Variants in NOVA2 observed in about 807,000 individuals in gnomAD.
NOVA2 encodes the protein RNA-binding protein Nova-2.
In NOVA2, 9 loss-of-function variants were observed where a neutral mutation model predicts 22.5. That is an observed-to-expected ratio of 0.40 (90% CI 0.24 to 0.70). The LOEUF is 0.70. Ranked by LOEUF, NOVA2 falls within the 30% of genes least tolerant of loss-of-function variation. NOVA2 has a pLI of 0.38. For synonymous variants in NOVA2, 318 were observed against 335.2 expected (o/e 0.95, Z 0.56); for missense variants, 383 against 682.8 (o/e 0.56, Z 4.89).
intron 3 of NOVA2, among the ~76,000 whole-genome samples, chr19:45,948,481 T>C (rs1967873942): frequency 6.6e-6 from 1 of 151,116 alleles, no homozygotes; most frequent in African/African-American, 2.4e-5. Flanking sequence ...GTGCCTGTAG[T>C]CCCAGCTACT....
At position 45,938,017 on chromosome 19, in the gene NOVA2, T is replaced by G. The variant is rs1214737648; in HGVS notation, c.*1846A>C. The stretch of plus-strand genomic sequence containing the variant: ...TTGGAAGACCTAGGAGGCGGACAAA[T>G]GGGGGAGAGGGTGGGCATGGGGCGC... On this transcript the variant is annotated 3_prime_UTR_variant, in exon 4 of 4. Transcript: ENST00000263257. 6.6e-6 allele frequency: 1 copy of G among 151,622 alleles called. No homozygotes were observed. The highest frequency in any genetic ancestry group is 1.5e-5 in the Non-Finnish European group (1 of 67,902). The allele number at this position is 151,622 out of a possible 1,614,324, so 9.4% of individuals were successfully genotyped here. A position where few individuals can be genotyped will look rare whatever the true frequency, so the allele number is the denominator to read the frequency against.
chr19:45,963,161 A>T (rs1198908535), intron 1 of NOVA2, among the ~76,000 whole-genome samples: 1 of 151,990 alleles, frequency 6.6e-6, no homozygotes, highest in Non-Finnish European at 1.5e-5. Context: ...CGGGCAGATC[A>T]CGAGGTCAAG....
At chr19:45,961,365 C>A (rs1212580717) in intron 1 of NOVA2, among the ~76,000 whole-genome samples, 4 of 152,308 alleles carry the variant, frequency 2.6e-5, no homozygotes, top group Non-Finnish European at 4.4e-5. Context: ...AGAAAATAGA[C>A]AAAGCTCCCC....
chr19:45,962,078 A>C (rs73940373), intron 1 of NOVA2, among the ~76,000 whole-genome samples: 175 of 152,176 alleles, frequency 1.1e-3, no homozygotes, highest in African/African-American at 4.1e-3. Flanking sequence ...ATGTGGCCTG[A>C]CTTAGGTTTT....
intron 1 of NOVA2, among the ~76,000 whole-genome samples, chr19:45,971,945 G>A (rs1023084317): frequency 1.1e-4 from 16 of 151,784 alleles, no homozygotes; most frequent in Non-Finnish European, 2.2e-4. Flanking sequence ...CACCCAGGGA[G>A]AGCCCCTCTC....
intron 3 of NOVA2, among the ~76,000 whole-genome samples, chr19:45,945,354 T>C (rs1289561327): frequency 2.0e-5 from 3 of 152,016 alleles, no homozygotes; most frequent in Non-Finnish European, 2.9e-5. Context: ...GCAGTGCAAA[T>C]GTTTGAAAAT....
chr19:45,964,058 G>T (rs1968133105), intron 1 of NOVA2, among the ~76,000 whole-genome samples: 1 of 151,978 alleles, frequency 6.6e-6, no homozygotes, highest in Non-Finnish European at 1.5e-5. Context: ...ATAAGCACTG[G>T]GAAAAGAAAG....
At chr19:45,966,293 T>C (rs1195764258) in intron 1 of NOVA2, among the ~76,000 whole-genome samples, 2 of 152,166 alleles carry the variant, frequency 1.3e-5, no homozygotes, top group East Asian at 3.8e-4. Flanking sequence ...CCTTCTTCCT[T>C]CCCTTCCTCC....
chr19:45,953,930 T>G lies in NOVA2; in HGVS notation c.246A>C (p.Val82=). The change falls in exon 3 of 4, where the codon GTA becomes GTC. Residue 82 remains valine, a synonymous_variant. Transcript: ENST00000263257. ...CCTCTGCCGTGCCCTGTACTAGGCATACCCGCTCTGTGGTTCCTGTTGAGC... is the reference window on the plus strand; with the variant it reads ...CCTCTGCCGTGCCCTGTACTAGGCAGACCCGCTCTGTGGTTCCTGTTGAGC... ...KDFYPGTTER[V]CLVQGTAEAL... 1 of 1,614,138 alleles carries G rather than the reference T, an allele frequency of 6.2e-7. No individual in the cohort carries two copies. Among genetic ancestry groups the G allele is most frequent in the Non-Finnish European group, 8.5e-7 (1 of 1,179,998 alleles).
chr19:45,956,292 G>A (rs531144719), intron 2 of NOVA2, among the ~76,000 whole-genome samples: 18 of 152,294 alleles, frequency 1.2e-4, no homozygotes, highest in African/African-American at 3.1e-4. Flanking sequence ...AGAGCTGGCC[G>A]AGGGTTTGCC....
In NOVA2 at chr19:45,964,212, T is replaced by C. The variant is rs1304054542; in HGVS notation, c.86-3059A>G. Among the ~76,000 whole-genome samples the C allele has an allele frequency of 4.2e-5, 6 of 143,712 alleles. No individual in the cohort carries two copies. The South Asian group carries it at 1.3e-3, about 32-fold the overall frequency. 94.3% of individuals were successfully genotyped at this position (143,712 alleles called of 152,430 possible). A position where few individuals can be genotyped will look rare whatever the true frequency, so the allele number is the denominator to read the frequency against. On this transcript the variant is annotated intron_variant, in intron 1 of 3. Transcript: ENST00000263257. ...TTTTTTTTTTTTGAGACAATCTCGC[T>C]CTTGTCACCCAGGCTGCAGTGCAAT... is the stretch of plus-strand genomic sequence containing the variant.
intron 2 of NOVA2, 85 bp downstream of exon 2, chr19:45,960,925 C>T: frequency 1.4e-6 from 2 of 1,393,246 alleles, no homozygotes; most frequent in African/African-American, 2.9e-5. Flanking sequence ...TAGGGCAGAC[C>T]TTCCCCCTCA....
At chr19:45,943,217 C>G (rs1031079761) in intron 3 of NOVA2, among the ~76,000 whole-genome samples, 3 of 151,398 alleles carry the variant, frequency 2.0e-5, no homozygotes, top group Admixed American at 1.3e-4. Flanking sequence ...CCATGCCCAG[C>G]TAATTTTTTT....
Position 45,960,254 on chromosome 19 carries a change from G to A in NOVA2, c.229+756C>T, listed in dbSNP as rs998989454. On this transcript the variant is annotated intron_variant, in intron 2 of 3. Coordinates refer to ENST00000263257, the MANE Select transcript of NOVA2 (RefSeq NM_002516.4). ...CAGAGGAGGACCTCAGTGAGAGGGGGCTAGTAGATACTGGTTGAATGGATG... is the reference window on the plus strand; with the variant it reads ...CAGAGGAGGACCTCAGTGAGAGGGGACTAGTAGATACTGGTTGAATGGATG... Among the ~76,000 whole-genome samples, 4 of 151,866 alleles carry A rather than the reference G, an allele frequency of 2.6e-5. No individual in the cohort carries two copies. The South Asian group carries it at 6.2e-4, about 24-fold the overall frequency.
chr19:45,970,788 C>A (rs1968223233), intron 1 of NOVA2, among the ~76,000 whole-genome samples: 2 of 152,102 alleles, frequency 1.3e-5, no homozygotes, highest in South Asian at 2.1e-4. Context: ...TGAAAGAAGC[C>A]CTCAATTTTG....
chr19:45,943,354 A>C (rs114144856), intron 3 of NOVA2, among the ~76,000 whole-genome samples: 3,658 of 150,974 alleles, frequency 0.024, 162 homozygotes, highest in African/African-American at 0.084. Context: ...CCGCACCCAG[A>C]CACTATATGA....
At chr19:45,956,444 C>A (rs993894410) in intron 2 of NOVA2, among the ~76,000 whole-genome samples, 11 of 150,602 alleles carry the variant, frequency 7.3e-5, no homozygotes, top group Non-Finnish European at 1.5e-5. Flanking sequence ...CTTATACAAC[C>A]CAAGCCTCAG....
At chr19:45,973,171 CAG>C in intron 1 of NOVA2, 94 bp downstream of exon 1, 1 of 537,112 alleles carries the variant, frequency 1.9e-6, no homozygotes, top group South Asian at 2.6e-5. Context: ...CTCCCCTCCC[CAG>C]AGCCCTTGCA....
At position 45,953,794 on chromosome 19, in the gene NOVA2, C is replaced by T. The variant is rs756750403; in HGVS notation, c.382G>A (p.Asp128Asn). Reference protein sequence around the residue: ...ILQPQTTMNPDRAKQAKLIVP... With the variant: ...ILQPQTTMNPNRAKQAKLIVP... ...CCCCAGCTGACCTGCTTGGCTCTGTCGGGGTTCATCGTGGTTTGGGGTTGA... is the reference window on the plus strand; with the variant it reads ...CCCCAGCTGACCTGCTTGGCTCTGTTGGGGTTCATCGTGGTTTGGGGTTGA... The change falls in exon 3 of 4, where the codon GAC becomes AAC. Residue 128 changes from aspartate (D) to asparagine (N), a missense_variant. By Grantham distance (23) the Asp-to-Asn change is conservative. Transcript: ENST00000263257. 5 of 1,614,024 alleles carry T rather than the reference C, an allele frequency of 3.1e-6. No homozygotes were observed. Among genetic ancestry groups the T allele is most frequent in the Admixed American group, 1.7e-5 (1 of 59,996 alleles).
Sources: gnomAD v4.1 joint callset for allele counts (sites outside exome capture counted in the v4.1 genomes callset) on GRCh38, gnomAD v4.1.1 for gene constraint, MANE v1.5 for transcripts, NCBI Gene and HGNC (gene_info 2026-07-23, HGNC 2026-07-21) for gene names.